Variants in LRP1B observed in about 807,000 individuals in gnomAD.
The protein encoded by LRP1B is low-density lipoprotein receptor-related protein 1B.
LRP1B carries 217 observed loss-of-function variants against 556.6 expected under a neutral mutation model. That is an observed-to-expected ratio of 0.39 (90% CI 0.35 to 0.44). LRP1B has a LOEUF of 0.44. Ranked by LOEUF, LRP1B falls within the 20% of genes least tolerant of loss-of-function variation. The pLI is 1.00. For synonymous variants in LRP1B, 2,047 were observed against 1,865.8 expected (o/e 1.10, Z -2.50); for missense variants, 5,053 against 5,620.8 (o/e 0.90, Z 3.23).
chr2:141,343,268 A>G (rs1688134933), intron 3 of LRP1B, among the ~76,000 whole-genome samples: 1 of 152,098 alleles, frequency 6.6e-6, no homozygotes, highest in African/African-American at 2.4e-5. Flanking sequence ...TAATTTCTTT[A>G]TCTCTACTTA....
chr2:141,706,027 A>G (rs1692124219), intron 2 of LRP1B, among the ~76,000 whole-genome samples: 1 of 152,072 alleles, frequency 6.6e-6, no homozygotes. Flanking sequence ...ACGACTAAGT[A>G]TAATCAGGAA....
chr2:141,904,180 G>T (rs1281033318), intron 1 of LRP1B, among the ~76,000 whole-genome samples: 1 of 151,940 alleles, frequency 6.6e-6, no homozygotes, highest in Non-Finnish European at 1.5e-5. Flanking sequence ...TAGCAATATG[G>T]ACCATGAGCT....
At chr2:141,997,095 A>C (rs1702512782) in intron 1 of LRP1B, among the ~76,000 whole-genome samples, 1 of 152,110 alleles carries the variant, frequency 6.6e-6, no homozygotes, top group Non-Finnish European at 1.5e-5. Flanking sequence ...ACTGAGTATG[A>C]GTGCTTGTTG....
intron 7 of LRP1B, among the ~76,000 whole-genome samples, chr2:141,118,457 G>T (rs1358961803): frequency 6.6e-6 from 1 of 151,798 alleles, no homozygotes; most frequent in Non-Finnish European, 1.5e-5. Flanking sequence ...TCTAATAATT[G>T]GTCAAGAGCT....
intron 1 of LRP1B, among the ~76,000 whole-genome samples, chr2:141,976,262 C>CA (rs1701884112): frequency 6.6e-6 from 1 of 151,918 alleles, no homozygotes; most frequent in African/African-American, 2.4e-5. Flanking sequence ...TAAAGAACAT[C>CA]AAATTTTGCA....
chr2:141,113,670 G>T (rs1171112538), intron 7 of LRP1B, among the ~76,000 whole-genome samples: 1 of 151,746 alleles, frequency 6.6e-6, no homozygotes, highest in Admixed American at 6.6e-5. Flanking sequence ...ATGGAAAGAT[G>T]GTGTTTAAAA....
intron 3 of LRP1B, among the ~76,000 whole-genome samples, chr2:141,361,216 T>C (rs976879203): frequency 6.6e-6 from 1 of 152,156 alleles, no homozygotes; most frequent in African/African-American, 2.4e-5. Flanking sequence ...TGAGGATATT[T>C]TGAGATCTGT....
At chr2:141,743,141 G>A (rs773531639) in intron 2 of LRP1B, among the ~76,000 whole-genome samples, 2 of 152,014 alleles carry the variant, frequency 1.3e-5, no homozygotes, top group African/African-American at 4.8e-5. Context: ...TTGTTATCAT[G>A]AAGGGATGTT....
intron 31 of LRP1B, among the ~76,000 whole-genome samples, chr2:140,831,275 A>C (rs926724417): frequency 1.3e-5 from 2 of 152,202 alleles, no homozygotes; most frequent in African/African-American, 4.8e-5. Context: ...TTCAAAATGT[A>C]GTACAAAGAC....
At chr2:140,855,507 T>C (rs968608302) in intron 27 of LRP1B, among the ~76,000 whole-genome samples, 29 of 43,614 alleles carry the variant, frequency 6.6e-4, no homozygotes, top group Middle Eastern at 0.017. Flanking sequence ...AAAAAAAAAT[T>C]TGAATGGCTT....
chr2:141,319,755 G>T (rs1376332096), intron 3 of LRP1B, among the ~76,000 whole-genome samples: 12 of 152,064 alleles, frequency 7.9e-5, no homozygotes, highest in Admixed American at 7.9e-4. Flanking sequence ...GCAAGTTGCA[G>T]TGCTTTTCTC....
intron 66 of LRP1B, among the ~76,000 whole-genome samples, chr2:140,396,802 A>G (rs72990628): frequency 0.014 from 2,175 of 152,260 alleles, 59 homozygotes; most frequent in African/African-American, 0.049. Context: ...TTGTACTTCA[A>G]TAGGTTTTGG....
intron 66 of LRP1B, among the ~76,000 whole-genome samples, chr2:140,420,555 T>TA (rs1685393702): frequency 6.6e-6 from 1 of 152,240 alleles, no homozygotes; most frequent in Admixed American, 6.5e-5. Context: ...GACTAATACA[T>TA]GAATGCTCAT....
intron 41 of LRP1B, among the ~76,000 whole-genome samples, chr2:140,690,338 A>G (rs1207890218): frequency 6.7e-6 from 1 of 149,754 alleles, no homozygotes. Flanking sequence ...AGGGCATATC[A>G]CTCTTCCGGG....
At chr2:141,566,388 A>G (rs1168313306) in intron 2 of LRP1B, among the ~76,000 whole-genome samples, 1 of 152,206 alleles carries the variant, frequency 6.6e-6, no homozygotes, top group African/African-American at 2.4e-5. Context: ...TAGTGACTTT[A>G]TGCACAAAAA....
chr2:141,232,998 G>A (rs1683526744), intron 5 of LRP1B, among the ~76,000 whole-genome samples: 1 of 152,204 alleles, frequency 6.6e-6, no homozygotes, highest in Non-Finnish European at 1.5e-5. Flanking sequence ...CACATCTAAT[G>A]TCTGTTGTGC....
intron 7 of LRP1B, among the ~76,000 whole-genome samples, chr2:141,076,172 T>C (rs760850469): frequency 1.5e-4 from 23 of 152,160 alleles, no homozygotes; most frequent in Admixed American, 1.4e-3. Context: ...AACCTCAAGT[T>C]AAGTGTTTAA....
At chr2:140,597,555 G>A (rs1361451069) in intron 43 of LRP1B, among the ~76,000 whole-genome samples, 1 of 151,926 alleles carries the variant, frequency 6.6e-6, no homozygotes, top group Admixed American at 6.6e-5. Flanking sequence ...CTTCATAATT[G>A]CCCTGAAAGA....
chr2:141,092,672 G>A (rs1440696607), intron 7 of LRP1B, among the ~76,000 whole-genome samples: 1 of 152,182 alleles, frequency 6.6e-6, no homozygotes, highest in Admixed American at 6.5e-5. Context: ...ACAGGAAGCT[G>A]TGATGGTACA....
Sources: allele counts gnomAD v4.1 joint callset (sites outside exome capture counted in the v4.1 genomes callset), GRCh38; gene constraint gnomAD v4.1.1; transcripts MANE v1.5; gene names NCBI Gene and HGNC (gene_info 2026-07-23, HGNC 2026-07-21).